Variants in METTL15 observed in about 807,000 individuals in gnomAD.
METTL15 encodes 12S rRNA N(4)-cytidine methyltransferase METTL15.
In METTL15, 34 loss-of-function variants were observed where a neutral mutation model predicts 38.3. The ratio of observed to expected loss-of-function variants is 0.89; its 90% CI spans 0.68 to 1.18. The LOEUF (loss-of-function observed/expected upper bound fraction) is 1.18. Among genes scored for constraint, METTL15 ranks in the 50% most tolerant of loss-of-function variants. METTL15 has a pLI of 0.00. For synonymous variants in METTL15, 162 were observed against 170.9 expected, an observed-to-expected ratio of 0.95 and a Z score of 0.41; for missense variants, 438 against 498.4, an observed-to-expected ratio of 0.88 and a Z score of 1.15.
intron 4 of METTL15, among the ~76,000 whole-genome samples, chr11:28,220,200 C>T (rs192239120): frequency 6.6e-6 from 1 of 152,226 alleles, no homozygotes; most frequent in African/African-American, 2.4e-5. Flanking sequence ...GAATCGAAGT[C>T]TCTTTGTAGG....
chr11:28,208,447 T>C (rs966476515), intron 3 of METTL15, among the ~76,000 whole-genome samples: 4 of 152,296 alleles, frequency 2.6e-5, no homozygotes, highest in Non-Finnish European at 5.9e-5. Flanking sequence ...TCCTGAGTTC[T>C]AGTTTGATTG....
At chr11:28,405,076 C>A (rs1391359001) in intron 5 of METTL15, among the ~76,000 whole-genome samples, 1 of 152,110 alleles carries the variant, frequency 6.6e-6, no homozygotes, top group African/African-American at 2.4e-5. Context: ...CATTGTACAG[C>A]TGCAGCGTGC....
At chr11:28,430,603 G>A (rs1340627351) in intron 6 of METTL15, among the ~76,000 whole-genome samples, 4 of 44,856 alleles carry the variant, frequency 8.9e-5, no homozygotes, top group South Asian at 2.0e-3. Flanking sequence ...GAGGTGGGGG[G>A]GTCAGCCCTC....
At chr11:28,492,229 A>G (rs1289696573) in intron 6 of METTL15, among the ~76,000 whole-genome samples, 1 of 152,156 alleles carries the variant, frequency 6.6e-6, no homozygotes, top group Admixed American at 6.5e-5. Context: ...CACCCTCTCC[A>G]TTCTAGCTTT....
At chr11:28,490,161 T>G (rs1270244808) in intron 6 of METTL15, among the ~76,000 whole-genome samples, 1 of 152,140 alleles carries the variant, frequency 6.6e-6, no homozygotes, top group Non-Finnish European at 1.5e-5. Context: ...CTGAGAAAGA[T>G]TTTTGAAAAG....
At chr11:28,524,431 A>G (rs1207779434) in intron 6 of METTL15, among the ~76,000 whole-genome samples, 1 of 152,350 alleles carries the variant, frequency 6.6e-6, no homozygotes, top group East Asian at 1.9e-4. Context: ...TGATAATTTT[A>G]TCTGGGAAAT....
At chr11:28,245,490 T>TG (rs1343959588) in intron 4 of METTL15, among the ~76,000 whole-genome samples, 5 of 151,608 alleles carry the variant, frequency 3.3e-5, no homozygotes, top group Non-Finnish European at 5.9e-5. Context: ...TTAGTGATCA[T>TG]GAAAAAAAAA....
intron 1 of METTL15, among the ~76,000 whole-genome samples, chr11:28,109,268 A>G (rs900548696): frequency 6.6e-5 from 10 of 152,208 alleles, no homozygotes; most frequent in African/African-American, 2.4e-4. Context: ...CAATAAAGCT[A>G]CTACTTATTT....
chr11:28,341,925 G>A (rs1564901135), intron 3 of METTL15, among the ~76,000 whole-genome samples: 1 of 152,102 alleles, frequency 6.6e-6, no homozygotes, highest in Non-Finnish European at 1.5e-5. Context: ...TGGCCCAGGG[G>A]TAGACTATGA....
At chr11:28,289,767 T>G (rs1207134579) in intron 4 of METTL15, among the ~76,000 whole-genome samples, 1 of 152,174 alleles carries the variant, frequency 6.6e-6, no homozygotes, top group Non-Finnish European at 1.5e-5. Flanking sequence ...CTAAAATGAT[T>G]GGTTTGAACA....
chr11:28,206,478 G>T (rs951801732), intron 3 of METTL15, among the ~76,000 whole-genome samples: 1 of 151,930 alleles, frequency 6.6e-6, no homozygotes, highest in African/African-American at 2.4e-5. Flanking sequence ...TCTCTGTTTT[G>T]GTACCAGTAC....
At chr11:28,396,421 A>G (rs1028043166) in intron 5 of METTL15, among the ~76,000 whole-genome samples, 174 of 152,342 alleles carry the variant, frequency 1.1e-3, no homozygotes, top group African/African-American at 4.1e-3. Flanking sequence ...TCAATGTGCA[A>G]AAATCACAAG....
At chr11:28,379,694 G>A (rs902189182) in intron 5 of METTL15, among the ~76,000 whole-genome samples, 3 of 152,166 alleles carry the variant, frequency 2.0e-5, no homozygotes, top group African/African-American at 2.4e-5. Flanking sequence ...GCAGTTGGGT[G>A]AAATATTCTG....
intron 3 of METTL15, among the ~76,000 whole-genome samples, chr11:28,180,994 G>C (rs532725775): frequency 2.0e-5 from 3 of 151,800 alleles, no homozygotes; most frequent in Non-Finnish European, 4.4e-5. Flanking sequence ...TCTCAACTCT[G>C]ACAGTAGCCA....
intron 6 of METTL15, among the ~76,000 whole-genome samples, chr11:28,325,048 G>A (rs912090276): frequency 6.6e-6 from 1 of 152,100 alleles, no homozygotes; most frequent in Non-Finnish European, 1.5e-5. Context: ...GGGCATGAGC[G>A]AGCCAAGCTT....
At chr11:28,150,836 A>C (rs1448582665) in intron 3 of METTL15, among the ~76,000 whole-genome samples, 1 of 151,756 alleles carries the variant, frequency 6.6e-6, no homozygotes, top group Non-Finnish European at 1.5e-5. Context: ...CTCAGGAGGT[A>C]ATGATGAACC....
chr11:28,356,791 C>A (rs1850093610), intron 4 of METTL15, among the ~76,000 whole-genome samples: 1 of 152,186 alleles, frequency 6.6e-6, no homozygotes, highest in South Asian at 2.1e-4. Flanking sequence ...ACCATCATTT[C>A]TTGGTATTTG....
intron 6 of METTL15, among the ~76,000 whole-genome samples, chr11:28,449,342 C>T (rs1851100715): frequency 6.6e-6 from 1 of 152,096 alleles, no homozygotes; most frequent in Non-Finnish European, 1.5e-5. Context: ...CACAGACACT[C>T]CTATGTTACT....
chr11:28,191,372 G>A (rs1851694791), intron 3 of METTL15, among the ~76,000 whole-genome samples: 1 of 150,886 alleles, frequency 6.6e-6, no homozygotes, highest in Non-Finnish European at 1.5e-5. Flanking sequence ...ACTAAAATAG[G>A]AAGATTTAAA....
Sources: gnomAD v4.1 joint callset for allele counts (sites outside exome capture counted in the v4.1 genomes callset) on GRCh38, gnomAD v4.1.1 for gene constraint, MANE v1.5 for transcripts, NCBI Gene and HGNC (gene_info 2026-07-23, HGNC 2026-07-21) for gene names.